PKHD1: variants seen among roughly 807,000 people sequenced by gnomAD.
PKHD1 encodes the protein PKHD1 ciliary IPT domain containing fibrocystin/polyductin.
A neutral mutation model predicts 412.0 loss-of-function variants in PKHD1; 291 were observed. The ratio of observed to expected loss-of-function variants is 0.71; its 90% CI spans 0.64 to 0.78. The LOEUF (loss-of-function observed/expected upper bound fraction) is 0.78, where lower values mean the gene tolerates loss of function less well. Among genes scored for constraint, PKHD1 ranks in the 30% least tolerant of loss-of-function variants. PKHD1 has a pLI of 0.00. For missense variants in PKHD1, 4,825 were observed against 4,950.7 expected (o/e 0.97, Z 0.76); for synonymous variants, 1,777 against 1,821.5 (o/e 0.98, Z 0.62).
chr6:51,759,818 CAG>C (rs1787677164), intron 55 of PKHD1, among the ~76,000 whole-genome samples: 1 of 152,080 alleles, frequency 6.6e-6, no homozygotes, highest in Admixed American at 6.6e-5. Context: ...AACTGAGGCT[CAG>C]AGAGAGTAAT....
chr6:51,715,382 T>C (rs1409747176), intron 60 of PKHD1, among the ~76,000 whole-genome samples: 3 of 152,062 alleles, frequency 2.0e-5, no homozygotes, highest in Non-Finnish European at 2.9e-5. Flanking sequence ...CCTTCTAACA[T>C]GCAGAGAAAG....
At chr6:51,814,728 G>A (rs1464158348) in intron 52 of PKHD1, among the ~76,000 whole-genome samples, 1 of 152,204 alleles carries the variant, frequency 6.6e-6, no homozygotes, top group Non-Finnish European at 1.5e-5. Flanking sequence ...TGTGGGAGGA[G>A]GGAGGAGGCA....
chr6:51,667,418 T>G (rs1219193776), intron 60 of PKHD1, among the ~76,000 whole-genome samples: 2 of 150,428 alleles, frequency 1.3e-5, no homozygotes, highest in African/African-American at 2.4e-5. Context: ...TAAATTTGTT[T>G]GAGTTCATTG....
chr6:51,765,834 T>C (rs187834795), intron 55 of PKHD1, among the ~76,000 whole-genome samples: 2 of 152,238 alleles, frequency 1.3e-5, no homozygotes, highest in African/African-American at 4.8e-5. Context: ...ACATAGTAAA[T>C]ATTCCTCAGA....
At chr6:51,672,577 A>G (rs1775182738) in intron 60 of PKHD1, among the ~76,000 whole-genome samples, 1 of 152,228 alleles carries the variant, frequency 6.6e-6, no homozygotes, top group Non-Finnish European at 1.5e-5. Context: ...GTATGAGTAC[A>G]TGCTTTGGCT....
At chr6:51,890,461 A>G (rs949582903) in intron 43 of PKHD1, among the ~76,000 whole-genome samples, 3 of 152,124 alleles carry the variant, frequency 2.0e-5, no homozygotes, top group African/African-American at 4.8e-5. Context: ...TCAATGTATC[A>G]TGGACATTCA....
At chr6:52,048,402 T>C (rs1466062712) in intron 23 of PKHD1, 90 bp downstream of exon 23, 1 of 1,241,796 alleles carries the variant, frequency 8.1e-7, no homozygotes, top group Non-Finnish European at 1.2e-6. Context: ...TATTATCACC[T>C]GTCTGACAAC....
intron 35 of PKHD1, among the ~76,000 whole-genome samples, chr6:51,981,276 T>C (rs1795108573): frequency 7.0e-6 from 1 of 142,942 alleles, no homozygotes; most frequent in Non-Finnish European, 1.5e-5. Context: ...GGCACTGCGG[T>C]ACAGAGCCCT....
intron 60 of PKHD1, among the ~76,000 whole-genome samples, chr6:51,730,496 CTAAAT>C (rs1562183636): frequency 6.6e-6 from 1 of 152,102 alleles, no homozygotes; most frequent in African/African-American, 2.4e-5. Flanking sequence ...TTGTTATAAA[CTAAAT>C]TGTCAAATGC....
At chr6:51,664,119 G>A (rs1773315695) in intron 60 of PKHD1, among the ~76,000 whole-genome samples, 1 of 151,936 alleles carries the variant, frequency 6.6e-6, no homozygotes, top group Admixed American at 6.6e-5. Flanking sequence ...ATACTAGTAG[G>A]ATGTATACCT....
chr6:51,892,477 A>G (rs1193492116), intron 43 of PKHD1, among the ~76,000 whole-genome samples: 2 of 152,238 alleles, frequency 1.3e-5, no homozygotes, highest in African/African-American at 4.8e-5. Context: ...TATTCAGTGC[A>G]TAGATACCAG....
intron 35 of PKHD1, among the ~76,000 whole-genome samples, chr6:51,989,784 A>G (rs551662192): frequency 4.0e-5 from 6 of 149,558 alleles, no homozygotes; most frequent in African/African-American, 1.5e-4. Context: ...ATATACAGCT[A>G]TATCTGCTGA....
chr6:51,752,194 CTT>C (rs1786215155), intron 57 of PKHD1, among the ~76,000 whole-genome samples: 1 of 152,164 alleles, frequency 6.6e-6, no homozygotes, highest in African/African-American at 2.4e-5. Flanking sequence ...TTGAACCAGC[CTT>C]TGTCTCCATC....
intron 28 of PKHD1, among the ~76,000 whole-genome samples, chr6:52,035,014 T>C (rs944456434): frequency 6.6e-6 from 1 of 152,068 alleles, no homozygotes; most frequent in East Asian, 1.9e-4. Context: ...TCCCCAACAG[T>C]ACCAGGGAAG....
At chr6:51,688,510 C>T (rs1340721976) in intron 60 of PKHD1, among the ~76,000 whole-genome samples, 1 of 138,166 alleles carries the variant, frequency 7.2e-6, no homozygotes, top group Non-Finnish European at 1.6e-5. Flanking sequence ...GAAACACACA[C>T]AAAAAAAAAA....
intron 54 of PKHD1, among the ~76,000 whole-genome samples, chr6:51,774,478 A>G (rs1031326449): frequency 6.6e-6 from 1 of 151,982 alleles, no homozygotes; most frequent in African/African-American, 2.4e-5. Context: ...GCAAAAGAAG[A>G]TCAAATATTC....
chr6:51,659,459 C>A lies in PKHD1; in HGVS notation c.10667G>T (p.Arg3556Leu). ...VLQGEEPIEI[R>L]SGVSIHLALT... Reference sequence around the variant, plus strand: ...GGCCAAGTGAATGGAAACACCTGAGCGTATTTCAATGGGCTCCTCTCCTTG... The same window carrying A: ...GGCCAAGTGAATGGAAACACCTGAGAGTATTTCAATGGGCTCCTCTCCTTG... The change falls in exon 61 of 67, where the codon CGC becomes CTC. Residue 3556 changes from arginine (R) to leucine (L), a missense_variant. Transcript: ENST00000371117. The A allele has an allele frequency of 1.9e-6, 3 of 1,613,604 alleles. No homozygotes were observed.
Position 52,055,446 on chromosome 6 carries a change from G to A in PKHD1, c.1836+141C>T. 9.0e-6 allele frequency: 8 copies of A among 886,758 alleles called. No individual in the cohort carries two copies. In the South Asian group the frequency reaches 1.1e-4, roughly 13 times the overall value. The allele number at this position is 886,758 out of a possible 1,614,324, so 54.9% of individuals were successfully genotyped here. On this transcript the variant is annotated intron_variant, in intron 19 of 66. Coordinates refer to ENST00000371117, the MANE Select transcript of PKHD1 (RefSeq NM_138694.4). ...CATTCATACCTGAAACAGCAGTCGA[G>A]AGACCTAGAACCTCAGCCTGAAACA...
intron 39 of PKHD1, 83 bp from the exon 40 acceptor site, chr6:51,909,557 C>T (rs1782650175): frequency 9.8e-7 from 1 of 1,022,984 alleles, no homozygotes. Flanking sequence ...AAGGTACTGT[C>T]AGCACCGAGG....
Sources: allele counts gnomAD v4.1 joint callset (sites outside exome capture counted in the v4.1 genomes callset), GRCh38; gene constraint gnomAD v4.1.1; transcripts MANE v1.5; gene names NCBI Gene and HGNC (gene_info 2026-07-23, HGNC 2026-07-21).